Variants in C8orf82 observed in about 807,000 individuals in gnomAD.
The protein encoded by C8orf82 is UPF0598 protein C8orf82.
In C8orf82, 24 loss-of-function variants were observed where a neutral mutation model predicts 15.0. The ratio of observed to expected loss-of-function variants is 1.60; its 90% confidence interval spans 1.16 to 2.24. The LOEUF is 2.24. Among genes scored for constraint, C8orf82 ranks in the 30% most tolerant of loss-of-function variants. The probability of loss-of-function intolerance (pLI) is 0.00; values close to 1 mark genes in which losing one functional copy is unlikely to be tolerated. For missense variants in C8orf82, 388 were observed against 317.4 expected (o/e 1.22, Z -1.69); for synonymous variants, 205 against 152.2 (o/e 1.35, Z -2.55).
chr8:144,527,785 G>A lies in C8orf82; in HGVS notation c.208C>T (p.Pro70Ser), dbSNP rs764156854. 6.9e-6 allele frequency: 11 copies of A among 1,594,278 alleles called. No homozygotes were observed. Among genetic ancestry groups the A allele is most frequent in the Admixed American group, 1.7e-5 (1 of 59,504 alleles). The change falls in exon 3 of 3, where the codon CCG (proline) becomes TCG (serine). Residue 70 changes from proline to serine, a missense_variant and splice_region_variant. Pro to Ser is a moderately conservative substitution (Grantham distance 74, BLOSUM62 -1). Coordinates refer to ENST00000524821, the MANE Select transcript of C8orf82 (RefSeq NM_001001795.2). Reference protein sequence around the residue: ...MKNFITCFKDPQFLVTFFSRL... With the variant: ...MKNFITCFKDSQFLVTFFSRL... ...GAGAAGAAGGTGACCAGGAACTGCGGGTCTGGGGGATGAAGGGTGCGTGTA... is the reference window on the plus strand; with the variant it reads ...GAGAAGAAGGTGACCAGGAACTGCGAGTCTGGGGGATGAAGGGTGCGTGTA...
chr8:144,528,840 C>A lies in C8orf82; in HGVS notation c.77G>T (p.Gly26Val). The change falls in exon 1 of 3, where the codon GGG becomes GTG. Residue 26 changes from glycine to valine, a missense_variant. By Grantham distance (109) the Gly-to-Val change is moderately radical. Transcript: ENST00000524821. ...CTGGCCCTGCGTGTAGGAAACGCCC[C>A]CATCCCCGCTGCAGGCCCGGGCTCC... is the stretch of plus-strand genomic sequence containing the variant. ...SRGARACSGD[G>V]GVSYTQGQSP... 4 of 1,521,020 alleles carry A rather than the reference C, an allele frequency of 2.6e-6. No individual in the cohort carries two copies. The highest frequency in any genetic ancestry group is 5.5e-5 in the East Asian group (2 of 36,132). The allele number at this position is 1,521,020 out of a possible 1,614,324, so 94.2% of individuals were successfully genotyped here. A position where few individuals can be genotyped will look rare whatever the true frequency, so the allele number is the denominator to read the frequency against.
chr8:144,527,804 G>T lies in C8orf82; in HGVS notation c.206-17C>A. The stretch of plus-strand genomic sequence containing the variant: ...ACTGCGGGTCTGGGGGATGAAGGGT[G>T]CGTGTACTCAGCGCGCTGGGCTCCC... On this transcript the variant is annotated splice_polypyrimidine_tract_variant and intron_variant, in intron 2 of 2. Coordinates refer to ENST00000524821, the MANE Select transcript of C8orf82 (RefSeq NM_001001795.2). 1.9e-6 allele frequency: 3 copies of T among 1,593,406 alleles called. No individual in the cohort carries two copies. Among genetic ancestry groups the T allele is most frequent in the Non-Finnish European group, 2.5e-6 (3 of 1,177,090 alleles).
In C8orf82 at chr8:144,527,220, G is replaced by A; in HGVS notation, c.*122C>T. 2 of 634,760 alleles carry A rather than the reference G, an allele frequency of 3.2e-6. No individual in the cohort carries two copies. Among genetic ancestry groups the A allele is most frequent in the South Asian group, 7.6e-5 (1 of 13,192 alleles). The allele number at this position is 634,760 out of a possible 1,614,324, so 39.3% of individuals were successfully genotyped here. On this transcript the variant is annotated 3_prime_UTR_variant, in exon 3 of 3. Transcript: ENST00000524821. ...AAGGACAGCGCCGGGTGGGGGCGGG[G>A]CCGAGCGCGCAGGCGCACTAGGCTG...
rs562954258 is a variant in C8orf82, at chr8:144,527,241, G to A, written c.*101C>T. 1.1e-5 allele frequency: 9 copies of A among 848,588 alleles called. No individual in the cohort carries two copies. The highest frequency in any genetic ancestry group is 5.4e-5 in the African/African-American group (3 of 55,124). 52.6% of individuals were successfully genotyped at this position (848,588 alleles called of 1,614,324 possible). On this transcript the variant is annotated 3_prime_UTR_variant, in exon 3 of 3. Coordinates refer to ENST00000524821, the MANE Select transcript of C8orf82 (RefSeq NM_001001795.2). ...CGGGGCCGAGCGCGCAGGCGCACTA[G>A]GCTGCCGCGAGCGCGGGTGGCGCGG... is the stretch of plus-strand genomic sequence containing the variant.
At chr8:144,528,615 C>CGGGGGGGG in intron 1 of C8orf82, 146 bp downstream of exon 1, 5 of 268,472 alleles carry the variant, frequency 1.9e-5, no homozygotes, top group Middle Eastern at 1.4e-3. Flanking sequence ...CGCGCAGGCC[C>CGGGGGGGG]CGCCCACCCA....
intron 2 of C8orf82, 52 bp downstream of exon 2, chr8:144,527,972 G>A: frequency 6.3e-7 from 1 of 1,594,866 alleles, no homozygotes; most frequent in Non-Finnish European, 8.6e-7. Flanking sequence ...AGCCCATCAG[G>A]GGCTGCCCGG....
chr8:144,527,141 G>T lies in C8orf82; in HGVS notation c.*201C>A. The T allele has an allele frequency of 4.2e-6, 1 of 240,100 alleles. No individual in the cohort carries two copies. Among genetic ancestry groups the T allele is most frequent in the Non-Finnish European group, 7.4e-6 (1 of 134,282 alleles). 14.9% of individuals were successfully genotyped at this position (240,100 alleles called of 1,614,324 possible). A position where few individuals can be genotyped will look rare whatever the true frequency, so the allele number is the denominator to read the frequency against. On this transcript the variant is annotated 3_prime_UTR_variant, in exon 3 of 3. Transcript: ENST00000524821. ...AGGGCGCCGGAGTCGGGTGCGCGGGGGGCGCGCGCCGTGGGGAGCGGGGTG... is the reference window on the plus strand; with the variant it reads ...AGGGCGCCGGAGTCGGGTGCGCGGGTGGCGCGCGCCGTGGGGAGCGGGGTG...
At chr8:144,528,616 C>CCCGGGGGGGGGGG in intron 1 of C8orf82, 145 bp downstream of exon 1, 2 of 296,004 alleles carry the variant, frequency 6.8e-6, no homozygotes, top group Non-Finnish European at 1.0e-5. Context: ...GCGCAGGCCC[C>CCCGGGGGGGGGGG]GCCCACCCAC....
rs1816396856 is a variant in C8orf82, at chr8:144,527,194, C to T, written c.*148G>A. ...CGGGAGGGCCGGGCCGCGGCAGCAC[C>T]AAGGACAGCGCCGGGTGGGGGCGGG... is the stretch of plus-strand genomic sequence containing the variant. On this transcript the variant is annotated 3_prime_UTR_variant, in exon 3 of 3. Transcript: ENST00000524821. 4.2e-6 allele frequency: 2 copies of T among 476,734 alleles called. No homozygotes were observed. Among genetic ancestry groups the T allele is most frequent in the Non-Finnish European group, 5.9e-6 (2 of 336,334 alleles). The allele number at this position is 476,734 out of a possible 1,614,324, so 29.5% of individuals were successfully genotyped here.
rs1816388859 is a variant in C8orf82 at position 144,527,016 on chromosome 8, C to G, written c.*326G>C. On this transcript the variant is annotated 3_prime_UTR_variant, in exon 3 of 3. Coordinates refer to ENST00000524821, the MANE Select transcript of C8orf82 (RefSeq NM_001001795.2). The stretch of plus-strand genomic sequence containing the variant: ...CGTGCAGGTGGCGGCCGGGCCCGAG[C>G]AGTCGCCGGGCTGGGAGGGGGCGGG... The G allele has an allele frequency of 6.5e-6, 1 of 154,884 alleles. No individual in the cohort carries two copies. Among genetic ancestry groups the G allele is most frequent in the South Asian group, 2.1e-4 (1 of 4,860 alleles). The allele number at this position is 154,884 out of a possible 1,614,324, so 9.6% of individuals were successfully genotyped here. A position where few individuals can be genotyped will look rare whatever the true frequency, so the allele number is the denominator to read the frequency against.
chr8:144,528,511 A>G (rs1816471694), intron 1 of C8orf82: 1 of 1,412,292 alleles, frequency 7.1e-7, no homozygotes, highest in Non-Finnish European at 9.3e-7. Flanking sequence ...CGCAGCAGGG[A>G]CGCGGCCCAT....
Position 144,527,135 on chromosome 8 carries a change from CGCGGGGGGCGCGCGCCGTGGGGA to C in C8orf82, c.*184_*206del, listed in dbSNP as rs1036588597. On this transcript the variant is annotated 3_prime_UTR_variant, in exon 3 of 3. Transcript: ENST00000524821. ...ATCCGGAGGGCGCCGGAGTCGGGTG[CGCGGGGGGCGCGCGCCGTGGGGA>C]GCGGGGTGTCCGGGAGGGCCGGGCC... 44 of 227,710 alleles carry C rather than the reference CGCGGGGGGCGCGCGCCGTGGGGA, an allele frequency of 1.9e-4. No homozygotes were observed. Among genetic ancestry groups the C allele is most frequent in the African/African-American group, 5.4e-4 (23 of 42,952 alleles). The allele number at this position is 227,710 out of a possible 1,614,324, so 14.1% of individuals were successfully genotyped here. A position where few individuals can be genotyped will look rare whatever the true frequency, so the allele number is the denominator to read the frequency against.
At chr8:144,528,117 GGGGGC>G in intron 1 of C8orf82, 45 bp from the exon 2 acceptor site, 1 of 1,603,074 alleles carries the variant, frequency 6.2e-7, no homozygotes, top group South Asian at 1.1e-5. Flanking sequence ...GCGTGCAGGT[GGGGGC>G]GGGGAAGCTC....
intron 1 of C8orf82, 181 bp from the exon 2 acceptor site, chr8:144,528,253 C>G: frequency 6.7e-7 from 1 of 1,491,448 alleles, no homozygotes. Context: ...CCGACTTATC[C>G]GCGTCTATGC....
At position 144,529,056 on chromosome 8, in the gene C8orf82, C is replaced by T. The variant is rs897912198; in HGVS notation, c.-140G>A. 9.7e-6 allele frequency: 8 copies of T among 826,238 alleles called. No homozygotes were observed. The highest frequency in any genetic ancestry group is 1.8e-5 in the African/African-American group (1 of 54,090). The allele number at this position is 826,238 out of a possible 1,614,324, so 51.2% of individuals were successfully genotyped here. A position where few individuals can be genotyped will look rare whatever the true frequency, so the allele number is the denominator to read the frequency against. On this transcript the variant is annotated 5_prime_UTR_variant, in exon 1 of 3. Transcript: ENST00000524821. ...CCCGGGCCCGGCGCTCTTCCCTCTC[C>T]CTCGGGCCTCGGGGGCTCGCCCGCC...
At chr8:144,528,708 C>CCCCCAA in intron 1 of C8orf82, 53 bp downstream of exon 1, 1 of 771,036 alleles carries the variant, frequency 1.3e-6, no homozygotes, top group Non-Finnish European at 1.7e-6. Context: ...CCCGCCCCGC[C>CCCCCAA]CAGAGACCTC....
chr8:144,529,026 C>A lies in C8orf82; in HGVS notation c.-110G>T, dbSNP rs1816524905. 2 of 1,167,118 alleles carry A rather than the reference C, an allele frequency of 1.7e-6. No individual in the cohort carries two copies. Among genetic ancestry groups the A allele is most frequent in the Non-Finnish European group, 1.1e-6 (1 of 894,800 alleles). 72.3% of individuals were successfully genotyped at this position (1,167,118 alleles called of 1,614,324 possible). A position where few individuals can be genotyped will look rare whatever the true frequency, so the allele number is the denominator to read the frequency against. On this transcript the variant is annotated 5_prime_UTR_variant, in exon 1 of 3. Coordinates refer to ENST00000524821, the MANE Select transcript of C8orf82 (RefSeq NM_001001795.2). Reference sequence around the variant, plus strand: ...TTCGCGTTCCGGCGGCGCCCGCCTCCGCGACCCGGGCCCGGCGCTCTTCCC... The same window carrying A: ...TTCGCGTTCCGGCGGCGCCCGCCTCAGCGACCCGGGCCCGGCGCTCTTCCC...
intron 1 of C8orf82, 145 bp downstream of exon 1, chr8:144,528,616 C>CCGGGGGGGGGGG: frequency 1.4e-5 from 4 of 296,000 alleles, no homozygotes; most frequent in Non-Finnish European, 2.0e-5. Context: ...GCGCAGGCCC[C>CCGGGGGGGGGGG]GCCCACCCAC....
At chr8:144,528,485 G>C (rs1462835725) in intron 1 of C8orf82, 2 of 1,454,068 alleles carry the variant, frequency 1.4e-6, no homozygotes, top group South Asian at 2.6e-5. Context: ...GTAGGACAGA[G>C]TCCGAAGCTG....
Sources: gnomAD v4.1 joint callset for allele counts on GRCh38, gnomAD v4.1.1 for gene constraint, MANE v1.5 for transcripts, NCBI Gene and HGNC (gene_info 2026-07-23, HGNC 2026-07-21) for gene names.